MYRF: variants seen among roughly 807,000 people sequenced by gnomAD.
MYRF encodes myelin gene regulatory factor.
In MYRF, 16 loss-of-function variants were observed where a neutral mutation model predicts 126.3. That is an observed-to-expected ratio of 0.13 (90% CI 0.09 to 0.19). The LOEUF (loss-of-function observed/expected upper bound fraction) is 0.19, where lower values mean the gene tolerates loss of function less well. MYRF is among the 10% of genes least tolerant of loss of function. The pLI is 1.00. For missense variants in MYRF, 1,104 were observed against 1,547.0 expected (o/e 0.71, Z 4.80); for synonymous variants, 608 against 635.3 (o/e 0.96, Z 0.65).
chr11:61,777,597 C>T lies in MYRF; in HGVS notation c.1791+133C>T. 1.5e-6 allele frequency: 2 copies of T among 1,348,714 alleles called. No individual in the cohort carries two copies. Among genetic ancestry groups the T allele is most frequent in the South Asian group, 2.7e-5 (2 of 72,826 alleles). 83.5% of individuals were successfully genotyped at this position (1,348,714 alleles called of 1,614,324 possible). On this transcript the variant is annotated intron_variant, in intron 12 of 26. Coordinates refer to ENST00000278836, the MANE Select transcript of MYRF (RefSeq NM_001127392.3). This position sits in a 1 kb window ranked among gnomAD's most constrained non-coding sequence, Gnocchi z 8.8. ...GGAAGGAAGGGAGGGAGGCTGGCCT[C>T]GAATCCCGATCTAACCACTCCAGTG...
Position 61,770,352 on chromosome 11 carries a change from G to GCCACCCCCA in MYRF, c.579_587dup (p.Pro194_Pro196dup). The stretch of plus-strand genomic sequence containing the variant: ...CTCCAGCCCACTTGCCAGGCCCCCC[G>GCCACCCCCA]CCACCCCCACCACCCCCACCTCACT... On this transcript the variant is annotated inframe_insertion, in exon 5 of 27. Transcript: ENST00000278836. 4.2e-6 allele frequency: 1 copy of GCCACCCCCA among 237,454 alleles called. No individual in the cohort carries two copies. The allele number at this position is 237,454 out of a possible 1,614,324, so 14.7% of individuals were successfully genotyped here. A position where few individuals can be genotyped will look rare whatever the true frequency, so the allele number is the denominator to read the frequency against.
chr11:61,756,444 T>A (rs978180463), intron 1 of MYRF, among the ~76,000 whole-genome samples: 3 of 151,840 alleles, frequency 2.0e-5, no homozygotes, highest in African/African-American at 7.3e-5. Context: ...GGCTTCGTGA[T>A]GGGGGTGGCA....
intron 1 of MYRF, among the ~76,000 whole-genome samples, chr11:61,756,691 G>T (rs2065768843): frequency 6.6e-6 from 1 of 151,678 alleles, no homozygotes; most frequent in Non-Finnish European, 1.5e-5. Context: ...AGGCGGCGGG[G>T]GTGGGGGACG....
intron 1 of MYRF, among the ~76,000 whole-genome samples, chr11:61,762,510 G>A (rs866008962): frequency 1.6e-4 from 25 of 152,292 alleles, no homozygotes; most frequent in African/African-American, 5.8e-4. Flanking sequence ...CCCCTGCTTG[G>A]GCTCCAGTGA....
rs561225633 is a variant in MYRF at position 61,757,481 on chromosome 11, C to A, written c.46+4691C>A. The A allele has an allele frequency of 1.3e-5, 6 of 456,292 alleles. No individual in the cohort carries two copies. Among genetic ancestry groups the A allele is most frequent in the Middle Eastern group, 3.3e-4 (1 of 3,072 alleles). The allele number at this position is 456,292 out of a possible 1,614,324, so 28.3% of individuals were successfully genotyped here. ...CCATTGGTCCATGGCAGGTGTTCTG[C>A]GCCCTACCTTGAAGATTACTGGTCC... On this transcript the variant is annotated intron_variant, in intron 1 of 26. Coordinates refer to ENST00000278836, the MANE Select transcript of MYRF (RefSeq NM_001127392.3). The surrounding 1 kb of genome is among the most constrained non-coding windows in gnomAD (Gnocchi z 4.7).
Position 61,785,783 on chromosome 11 carries a change from C to G in MYRF, c.3301-17C>G. 1 of 1,611,868 alleles carries G rather than the reference C, an allele frequency of 6.2e-7. No individual in the cohort carries two copies. Among genetic ancestry groups the G allele is most frequent in the Non-Finnish European group, 8.5e-7 (1 of 1,177,888 alleles). ...AGGGCAGCAGTCTGTCCTGACCCCT[C>G]TCTCCCTTCTCTCCAGGGCACCTCT... On this transcript the variant is annotated splice_polypyrimidine_tract_variant and intron_variant, in intron 25 of 26. Transcript: ENST00000278836.
intron 24 of MYRF, 70 bp from the exon 25 acceptor site, chr11:61,784,209 GC>G (rs1202914213): frequency 7.1e-7 from 1 of 1,418,364 alleles, no homozygotes; most frequent in African/African-American, 1.4e-5. Flanking sequence ...CGTGTGGCAG[GC>G]TGGCTGGGAG....
chr11:61,765,795 G>A (rs915665014), intron 2 of MYRF, 83 bp downstream of exon 2: 55 of 1,464,768 alleles, frequency 3.8e-5, no homozygotes, highest in African/African-American at 1.3e-4. Flanking sequence ...TCTGAGGGCC[G>A]GACCTGGGGT....
chr11:61,773,108 C>T (rs2066272643), intron 7 of MYRF, among the ~76,000 whole-genome samples: 1 of 150,998 alleles, frequency 6.6e-6, no homozygotes, highest in African/African-American at 2.4e-5. Context: ...TGGGTTCAAG[C>T]AATTCTCCTG....
intron 1 of MYRF, among the ~76,000 whole-genome samples, chr11:61,759,006 A>G (rs952231069): frequency 6.6e-6 from 1 of 152,226 alleles, no homozygotes; most frequent in Non-Finnish European, 1.5e-5. Flanking sequence ...GATCATGCGC[A>G]TGTCAGTGGA....
chr11:61,757,819 C>T lies in MYRF; in HGVS notation c.46+5029C>T, dbSNP rs2065801049. On this transcript the variant is annotated intron_variant, in intron 1 of 26. Coordinates refer to ENST00000278836, the MANE Select transcript of MYRF (RefSeq NM_001127392.3). The surrounding 1 kb of genome is among the most constrained non-coding windows in gnomAD (Gnocchi z 4.7). ...CCCATTTCTGAGGGGGACTGTGAGGCAGGACAGGAAGGCGATGATGTGTCA... is the reference window on the plus strand; with the variant it reads ...CCCATTTCTGAGGGGGACTGTGAGGTAGGACAGGAAGGCGATGATGTGTCA... 6.6e-6 allele frequency among the ~76,000 whole-genome samples: 1 copy of T among 152,128 alleles called. No individual in the cohort carries two copies. Among genetic ancestry groups the T allele is most frequent in the Admixed American group, 6.5e-5 (1 of 15,280 alleles).
chr11:61,783,771 A>T lies in MYRF; in HGVS notation c.3120-80A>T. The T allele has an allele frequency of 1.4e-6, 2 of 1,447,106 alleles. No homozygotes were observed. Among genetic ancestry groups the T allele is most frequent in the South Asian group, 1.2e-5 (1 of 82,418 alleles). The allele number at this position is 1,447,106 out of a possible 1,614,324, so 89.6% of individuals were successfully genotyped here. A position where few individuals can be genotyped will look rare whatever the true frequency, so the allele number is the denominator to read the frequency against. ...TCTCTTCTGGAGGGCTCCAGTACAG[A>T]TTGGGGGCTGAGGAGTCCCTGGTGG... On this transcript the variant is annotated intron_variant, in intron 23 of 26. Transcript: ENST00000278836. This position sits in a 1 kb window ranked among gnomAD's most constrained non-coding sequence, Gnocchi z 4.6.
chr11:61,755,335 C>G, intron 1 of MYRF: 2 of 1,571,308 alleles, frequency 1.3e-6, no homozygotes, highest in Non-Finnish European at 1.7e-6. Flanking sequence ...GCCGGGCCCC[C>G]GTGACCGCCC....
Position 61,763,243 on chromosome 11 carries a change from C to T in MYRF, c.47-2382C>T, listed in dbSNP as rs968767000. ...TGCACCTGGTTGGAATCCTCCTTGCCATGTTGCCTTGGGTAAGAGACTTGA... is the reference window on the plus strand; with the variant it reads ...TGCACCTGGTTGGAATCCTCCTTGCTATGTTGCCTTGGGTAAGAGACTTGA... On this transcript the variant is annotated intron_variant, in intron 1 of 26. Transcript: ENST00000278836. Among the ~76,000 whole-genome samples the T allele has an allele frequency of 3.3e-5, 5 of 152,210 alleles. 1 individual carries two copies. In the South Asian group the frequency reaches 6.2e-4, roughly 19 times the overall value.
chr11:61,779,733 G>A (rs1242376915), intron 16 of MYRF, 109 bp from the exon 17 acceptor site: 15 of 1,217,182 alleles, frequency 1.2e-5, no homozygotes, highest in East Asian at 7.6e-5. Flanking sequence ...CTTTGCCCCC[G>A]GGGAAATGGG....
chr11:61,781,452 A>G, intron 21 of MYRF, 121 bp from the exon 22 acceptor site: 1 of 1,537,866 alleles, frequency 6.5e-7, no homozygotes, highest in Non-Finnish European at 8.8e-7. Flanking sequence ...ATGACTGGGA[A>G]GTTCCCCTGA....
At position 61,781,628 on chromosome 11, in the gene MYRF, T is replaced by C; in HGVS notation, c.2820T>C (p.Gly940=). ...CCAACATCAGAGCCAAGTCCTGGGG[T>C]CTTTCAGTCAATGGCATTGGCCACT... is the stretch of plus-strand genomic sequence containing the variant. ...PVTNIRAKSW[G]LSVNGIGHSK... is the part of the protein sequence containing the mutation. Residue 940 remains glycine, a synonymous_variant, in exon 22 of 27, where the codon GGT becomes GGC. Transcript: ENST00000278836. The C allele has an allele frequency of 6.2e-7, 1 of 1,613,814 alleles. No homozygotes were observed. The highest frequency in any genetic ancestry group is 8.5e-7 in the Non-Finnish European group (1 of 1,180,006).
At chr11:61,765,917 TG>T in intron 2 of MYRF, 40 bp from the exon 3 acceptor site, 1 of 1,469,198 alleles carries the variant, frequency 6.8e-7, no homozygotes, top group Non-Finnish European at 9.0e-7. Context: ...CTGCTGGGGC[TG>T]GGGTCCTGGC....
chr11:61,777,933 ACTC>A lies in MYRF; in HGVS notation c.1903+92_1903+94del, dbSNP rs1196607719. 1.0e-6 allele frequency: 1 copy of A among 982,092 alleles called. No homozygotes were observed. Among genetic ancestry groups the A allele is most frequent in the Non-Finnish European group, 1.5e-6 (1 of 646,736 alleles). The allele number at this position is 982,092 out of a possible 1,614,324, so 60.8% of individuals were successfully genotyped here. On this transcript the variant is annotated intron_variant, in intron 13 of 26. Coordinates refer to ENST00000278836, the MANE Select transcript of MYRF (RefSeq NM_001127392.3). The surrounding 1 kb of genome is among the most constrained non-coding windows in gnomAD (Gnocchi z 8.8). ...TTGCCCCCTGTCACCTGGAAATCCT[ACTC>A]CTCTTGACTCCCGGAACTGCGCCCC...
Sources: allele counts gnomAD v4.1 joint callset (sites outside exome capture counted in the v4.1 genomes callset), GRCh38; gene constraint gnomAD v4.1.1; non-coding constraint Gnocchi (gnomAD v3.1); transcripts MANE v1.5; gene names NCBI Gene and HGNC (gene_info 2026-07-23, HGNC 2026-07-21).